Variants in KCNQ1OT1 observed in about 807,000 individuals in gnomAD.
KCNQ1OT1 encodes KCNQ1 antisense RNA 2 (non-protein coding).
At chr11:2,610,537 T>C (rs543742710) in exon 1 of KCNQ1OT1, 1 of 398,428 alleles carries the variant, frequency 2.5e-6, no homozygotes, top group South Asian at 1.3e-4. Flanking sequence ...TCCTTGCTCT[T>C]TGCTTTTGGA....
At chr11:2,622,889 C>G (rs1303457341) in exon 1 of KCNQ1OT1, 2 of 398,494 alleles carry the variant, frequency 5.0e-6, no homozygotes, top group African/African-American at 4.1e-5. Context: ...ACATTATTAT[C>G]AAAGTCCCTA....
exon 1 of KCNQ1OT1, chr11:2,643,892 GTTTTGTT>G (rs1849620360): frequency 2.5e-6 from 1 of 398,446 alleles, no homozygotes; most frequent in East Asian, 3.6e-5. Flanking sequence ...CAGGTTTTTG[GTTTTGTT>G]TTTTCTTTCA....
At position 2,663,915 on chromosome 11, in the gene KCNQ1OT1, A is replaced by G. The variant is rs772655122; in HGVS notation, n.36080T>C. ...CCAGTGTGGCTGTGTCATCTAGGAC[A>G]CTGGGCTGTTTCTTGTTCCACTCCA... On this transcript the variant is annotated non_coding_transcript_exon_variant, in exon 1 of 1. Coordinates refer to ENST00000597346, the Ensembl canonical transcript of KCNQ1OT1. This position sits in a 1 kb window ranked among gnomAD's most constrained non-coding sequence, Gnocchi z 5.2. 7.0e-5 allele frequency: 28 copies of G among 398,732 alleles called. No individual in the cohort carries two copies. The highest frequency in any genetic ancestry group is 1.2e-4 in the Non-Finnish European group (27 of 226,120). The allele number at this position is 398,732 out of a possible 1,614,324, so 24.7% of individuals were successfully genotyped here. A position where few individuals can be genotyped will look rare whatever the true frequency, so the allele number is the denominator to read the frequency against.
exon 1 of KCNQ1OT1, chr11:2,629,587 A>C (rs1382800891): frequency 1.3e-5 from 5 of 398,392 alleles, no homozygotes; most frequent in Non-Finnish European, 2.2e-5. Context: ...TTGAAAAGAG[A>C]ATCCATTTGC....
At chr11:2,697,343 A>C (rs1850694811) in exon 1 of KCNQ1OT1, 3 of 398,368 alleles carry the variant, frequency 7.5e-6, no homozygotes, top group Non-Finnish European at 1.3e-5. Context: ...GAGCTACACT[A>C]AGTTTTATCA....
exon 1 of KCNQ1OT1, chr11:2,697,671 GGAT>G (rs1182160987): frequency 5.0e-6 from 2 of 398,368 alleles, no homozygotes; most frequent in Non-Finnish European, 8.8e-6. Context: ...TGAATTACAT[GGAT>G]AAAGTTTCTG....
chr11:2,656,132 G>A, exon 1 of KCNQ1OT1: 2 of 398,636 alleles, frequency 5.0e-6, no homozygotes, highest in Non-Finnish European at 8.8e-6. Context: ...GTGCTCCATC[G>A]TTCCTTCTAC....
Position 2,620,117 on chromosome 11 carries a change from T to C in KCNQ1OT1, n.79878A>G. The C allele has an allele frequency of 5.0e-6, 2 of 398,190 alleles. No homozygotes were observed. The highest frequency in any genetic ancestry group is 7.1e-5 in the East Asian group (2 of 28,070). 24.7% of individuals were successfully genotyped at this position (398,190 alleles called of 1,614,324 possible). ...GCAAGTGGTAACATGCAGTATTTGG[T>C]TTTCTGTTCCTGCATTAATTTGCTT... On this transcript the variant is annotated non_coding_transcript_exon_variant, in exon 1 of 1. Coordinates refer to ENST00000597346, the Ensembl canonical transcript of KCNQ1OT1. The surrounding 1 kb of genome is among the most constrained non-coding windows in gnomAD (Gnocchi z 4.5).
At position 2,647,023 on chromosome 11, in the gene KCNQ1OT1, C is replaced by A; in HGVS notation, n.52972G>T. On this transcript the variant is annotated non_coding_transcript_exon_variant, in exon 1 of 1. Coordinates refer to ENST00000597346, the Ensembl canonical transcript of KCNQ1OT1. The surrounding 1 kb of genome is among the most constrained non-coding windows in gnomAD (Gnocchi z 4.0). ...TCTGGTGAGGACTTTTCTTACTCTG[C>A]TGAATAAGAATAGTGAAAGTGGGCA... The A allele has an allele frequency of 2.5e-6, 1 of 398,526 alleles. No individual in the cohort carries two copies. The highest frequency in any genetic ancestry group is 4.4e-6 in the Non-Finnish European group (1 of 226,044). The allele number at this position is 398,526 out of a possible 1,614,324, so 24.7% of individuals were successfully genotyped here. A position where few individuals can be genotyped will look rare whatever the true frequency, so the allele number is the denominator to read the frequency against.
At chr11:2,666,379 A>T (rs997855265) in exon 1 of KCNQ1OT1, 14 of 398,652 alleles carry the variant, frequency 3.5e-5, no homozygotes, top group Middle Eastern at 6.3e-4. Flanking sequence ...TTGTGACATG[A>T]CAGCTTCGCA....
chr11:2,655,803 A>C, exon 1 of KCNQ1OT1: 1 of 398,572 alleles, frequency 2.5e-6, no homozygotes, highest in Non-Finnish European at 4.4e-6. Flanking sequence ...AGCACGCCCC[A>C]CAGTCTCCAA....
chr11:2,682,010 G>C lies in KCNQ1OT1; in HGVS notation n.17985C>G, dbSNP rs150144003. On this transcript the variant is annotated non_coding_transcript_exon_variant, in exon 1 of 1. Coordinates refer to ENST00000597346, the Ensembl canonical transcript of KCNQ1OT1. This position sits in a 1 kb window ranked among gnomAD's most constrained non-coding sequence, Gnocchi z 5.8. ...CATCATTTCACTAATCCTCACAGCA[G>C]CTTTTAACACAAGAATATTATCACT... 178 of 398,554 alleles carry C rather than the reference G, an allele frequency of 4.5e-4. 2 individuals carry two copies. Among genetic ancestry groups the C allele is most frequent in the Middle Eastern group, 1.3e-3 (2 of 1,588 alleles). The allele number at this position is 398,554 out of a possible 1,614,324, so 24.7% of individuals were successfully genotyped here.
In KCNQ1OT1 at chr11:2,637,687, A is replaced by G. The variant is rs960908434; in HGVS notation, n.62308T>C. 25 of 152,234 alleles carry G rather than the reference A, an allele frequency of 1.6e-4. No individual in the cohort carries two copies. In the East Asian group the frequency reaches 4.8e-3, roughly 29 times the overall value. 9.4% of individuals were successfully genotyped at this position (152,234 alleles called of 1,614,324 possible). ...TGATTTGGGTTGGAATGTTCTGTAG[A>G]TGTCTATTAGGTCCACTTGGTGCAG... On this transcript the variant is annotated non_coding_transcript_exon_variant, in exon 1 of 1. Transcript: ENST00000597346.
exon 1 of KCNQ1OT1, chr11:2,662,194 A>G: frequency 1.4e-6 from 2 of 1,436,292 alleles, no homozygotes; most frequent in Non-Finnish European, 1.9e-6. Flanking sequence ...CTACTCGCCT[A>G]GTGCCCACCA....
exon 1 of KCNQ1OT1, chr11:2,633,235 T>G (rs1849392396): frequency 5.0e-6 from 2 of 398,406 alleles, no homozygotes; most frequent in South Asian, 1.3e-4. Flanking sequence ...TCAGATAATC[T>G]GGTGTTTTTT....
At chr11:2,641,778 T>C in exon 1 of KCNQ1OT1, 2 of 398,466 alleles carry the variant, frequency 5.0e-6, no homozygotes, top group East Asian at 7.1e-5. Context: ...TCATGCCTCA[T>C]GTTTAAGTCT....
exon 1 of KCNQ1OT1, chr11:2,632,107 C>T (rs1477820987): frequency 7.8e-5 from 30 of 383,894 alleles, no homozygotes; most frequent in African/African-American, 1.1e-4. Context: ...GGCGTGAACT[C>T]GGGAGGCAGA....
Position 2,659,257 on chromosome 11 carries a change from G to T in KCNQ1OT1, n.40738C>A, listed in dbSNP as rs1849908541. The T allele has an allele frequency of 7.5e-6, 3 of 398,520 alleles. No individual in the cohort carries two copies. The highest frequency in any genetic ancestry group is 1.3e-5 in the Non-Finnish European group (3 of 226,078). The allele number at this position is 398,520 out of a possible 1,614,324, so 24.7% of individuals were successfully genotyped here. A position where few individuals can be genotyped will look rare whatever the true frequency, so the allele number is the denominator to read the frequency against. On this transcript the variant is annotated non_coding_transcript_exon_variant, in exon 1 of 1. Coordinates refer to ENST00000597346, the Ensembl canonical transcript of KCNQ1OT1. The surrounding 1 kb of genome is among the most constrained non-coding windows in gnomAD (Gnocchi z 4.3). ...AATACCCTGGGGTGAGTCTTTTGAA[G>T]TCAAGTACTTCTCCCCTAACCACTG...
At chr11:2,616,550 CT>C (rs1849067824) in exon 1 of KCNQ1OT1, 1 of 397,940 alleles carries the variant, frequency 2.5e-6, no homozygotes, top group African/African-American at 2.1e-5. Context: ...CTGAGCACTT[CT>C]TTCACTACAT....
Sources: allele counts gnomAD v4.1 joint callset, GRCh38; gene constraint gnomAD v4.1.1; non-coding constraint Gnocchi (gnomAD v3.1); transcripts MANE v1.5; gene names NCBI Gene and HGNC (gene_info 2026-07-23, HGNC 2026-07-21).